Variants in GATB observed in about 807,000 individuals in gnomAD.
GATB encodes the protein glutamyl-tRNA amidotransferase subunit B.
In GATB, 39 loss-of-function variants were observed where a neutral mutation model predicts 62.3. The ratio of observed to expected loss-of-function variants is 0.63; its 90% CI spans 0.48 to 0.82. The LOEUF is 0.82. Among genes scored for constraint, GATB ranks in the 40% least tolerant of loss-of-function variants. GATB has a pLI of 0.00. For synonymous variants in GATB, 276 were observed against 258.9 expected, an observed-to-expected ratio of 1.07 and a Z score of -0.63; for missense variants, 670 against 684.0, an observed-to-expected ratio of 0.98 and a Z score of 0.23.
At chr4:151,716,277 CTTTTT>C (rs1204900952) in intron 4 of GATB, 146 bp from the exon 5 acceptor site, 125 of 413,168 alleles carry the variant, frequency 3.0e-4, no homozygotes, top group Middle Eastern at 2.2e-3. Context: ...TCCCTCCCAC[CTTTTT>C]TTTTTTTTTT....
chr4:151,671,439 G>A lies in GATB; in HGVS notation c.1546-137C>T. ...AGTATTAGACATAAAATGTAGAACA[G>A]AAAAAGGGGAGGGGCCTCACTTCTG... On this transcript the variant is annotated intron_variant, in intron 12 of 12. Coordinates refer to ENST00000263985, the MANE Select transcript of GATB (RefSeq NM_004564.3). 6 of 805,392 alleles carry A rather than the reference G, an allele frequency of 7.4e-6. No homozygotes were observed. The Admixed American group carries it at 1.0e-4, about 14-fold the overall frequency. 49.9% of individuals were successfully genotyped at this position (805,392 alleles called of 1,614,324 possible).
At chr4:151,732,104 G>A (rs1212768049) in intron 2 of GATB, among the ~76,000 whole-genome samples, 1 of 147,078 alleles carries the variant, frequency 6.8e-6, no homozygotes, top group African/African-American at 2.5e-5. Context: ...GAGGGAGGTG[G>A]GGGGAGCCTC....
intron 1 of GATB, among the ~76,000 whole-genome samples, 193 bp downstream of exon 1, chr4:151,760,614 T>C (rs960271422): frequency 1.3e-5 from 2 of 152,090 alleles, no homozygotes; most frequent in African/African-American, 4.8e-5. Flanking sequence ...TTGAAAACAG[T>C]GGTTTATATA....
In GATB at chr4:151,671,039, T is replaced by C. The variant is rs4571; in HGVS notation, c.*135A>G. ...AGGGTGAGAACACTGGTGACATTAA[T>C]GCCATAGCTGTGGCTTGGGACAGGG... On this transcript the variant is annotated 3_prime_UTR_variant, in exon 13 of 13. Transcript: ENST00000263985. 0.52 allele frequency: 535,265 copies of C among 1,021,494 alleles called. 146,029 individuals carry two copies. The highest frequency in any genetic ancestry group is 0.88 in the African/African-American group (55,184 of 62,956). 63.3% of individuals were successfully genotyped at this position (1,021,494 alleles called of 1,614,324 possible).
At chr4:151,704,714 A>C (rs1461868627) in intron 7 of GATB, among the ~76,000 whole-genome samples, 1 of 145,262 alleles carries the variant, frequency 6.9e-6, no homozygotes, top group Non-Finnish European at 1.5e-5. Flanking sequence ...CGGCCTCCCA[A>C]AGTGCTGGGA....
intron 7 of GATB, 76 bp from the exon 8 acceptor site, chr4:151,703,971 T>C (rs1045208862): frequency 1.0e-6 from 1 of 980,826 alleles, no homozygotes; most frequent in African/African-American, 1.6e-5. Flanking sequence ...AGGGCTCCCC[T>C]ACCAATAAGG....
intron 12 of GATB, among the ~76,000 whole-genome samples, chr4:151,672,170 G>T (rs1214344144): frequency 1.6e-4 from 25 of 152,192 alleles, no homozygotes; most frequent in Admixed American, 1.6e-3. Flanking sequence ...TAGACAATAT[G>T]ATTAGACTTG....
intron 8 of GATB, among the ~76,000 whole-genome samples, chr4:151,702,248 T>G (rs554946400): frequency 2.6e-5 from 4 of 152,310 alleles, no homozygotes; most frequent in Admixed American, 1.3e-4. Context: ...TTCTACTATT[T>G]TTAGCAGCAT....
chr4:151,734,793 C>T (rs1178866048), intron 2 of GATB, among the ~76,000 whole-genome samples: 3 of 152,172 alleles, frequency 2.0e-5, no homozygotes, highest in East Asian at 1.9e-4. Context: ...TTACAGTCAA[C>T]TGATCTTCAA....
intron 9 of GATB, among the ~76,000 whole-genome samples, chr4:151,697,949 GTGTGTA>G (rs1365908694): frequency 9.3e-5 from 9 of 96,938 alleles, no homozygotes; most frequent in African/African-American, 5.9e-4. Flanking sequence ...GTGTGTGTGT[GTGTGTA>G]TATATATATA....
At chr4:151,692,491 G>A (rs759557981) in intron 9 of GATB, among the ~76,000 whole-genome samples, 6 of 152,208 alleles carry the variant, frequency 3.9e-5, no homozygotes, top group Admixed American at 6.5e-5. Flanking sequence ...AAATCAGAAG[G>A]AGAAAATGGC....
rs537155081 is a variant in GATB at position 151,760,854 on chromosome 4, G to A, written c.129C>T (p.Ser43=). 9.3e-6 allele frequency: 15 copies of A among 1,613,318 alleles called. No homozygotes were observed. The highest frequency in any genetic ancestry group is 1.2e-5 in the Non-Finnish European group (14 of 1,179,686). The stretch of plus-strand genomic sequence containing the variant: ...TGTGGAGGGGCTGCTGAGCCACTGA[G>A]CTCTCTCCCCTAATCTGGTTGGATG... The part of the protein sequence containing the change: ...GSTSNQIRGE[S]SVAQQPLHTA... The change falls in exon 1 of 13, where the codon AGC becomes AGT. Residue 43 remains serine, a synonymous_variant. Transcript: ENST00000263985.
At chr4:151,718,909 T>C (rs1162645230) in intron 3 of GATB, among the ~76,000 whole-genome samples, 1 of 152,246 alleles carries the variant, frequency 6.6e-6, no homozygotes, top group Non-Finnish European at 1.5e-5. Flanking sequence ...AACAGTTTAC[T>C]GTTCTTGGTC....
intron 10 of GATB, 125 bp downstream of exon 10, chr4:151,688,505 G>A: frequency 1.1e-6 from 1 of 872,014 alleles, no homozygotes; most frequent in Non-Finnish European, 1.8e-6. Flanking sequence ...CACAGGGGAT[G>A]TTTGTGTCAT....
At chr4:151,673,905 C>G (rs1315794311) in intron 11 of GATB, 1 of 152,250 alleles carries the variant, frequency 6.6e-6, no homozygotes, top group Non-Finnish European at 1.5e-5. Context: ...CCTGGAAAAA[C>G]AGAGCTCTTC....
chr4:151,753,255 G>A (rs1161381082), intron 2 of GATB, among the ~76,000 whole-genome samples: 4 of 152,136 alleles, frequency 2.6e-5, no homozygotes, highest in African/African-American at 7.2e-5. Flanking sequence ...GTCAGGTAGA[G>A]AAGCTCAGAT....
At chr4:151,749,941 G>A (rs753507505) in intron 2 of GATB, among the ~76,000 whole-genome samples, 44 of 152,142 alleles carry the variant, frequency 2.9e-4, no homozygotes, top group Non-Finnish European at 5.1e-4. Context: ...GAGTGCAGTG[G>A]CGCTATCTCG....
intron 6 of GATB, 146 bp downstream of exon 6, chr4:151,707,840 CAT>C (rs1018169248): frequency 2.3e-5 from 14 of 609,050 alleles, no homozygotes; most frequent in Non-Finnish European, 2.9e-5. Flanking sequence ...CCCACAGCCA[CAT>C]GAGTGAGCCG....
intron 10 of GATB, among the ~76,000 whole-genome samples, chr4:151,684,415 GA>G (rs1738203299): frequency 6.6e-6 from 1 of 152,214 alleles, no homozygotes; most frequent in African/African-American, 2.4e-5. Context: ...CAAGAGGTTG[GA>G]CCCTTCAAAC....
Sources: allele counts gnomAD v4.1 joint callset (sites outside exome capture counted in the v4.1 genomes callset), GRCh38; gene constraint gnomAD v4.1.1; transcripts MANE v1.5; gene names NCBI Gene and HGNC (gene_info 2026-07-23, HGNC 2026-07-21).